PAXIP1: variants seen among roughly 807,000 people sequenced by gnomAD.
The protein encoded by PAXIP1 is PAX interacting protein 1, also known as PAX-interacting protein 1.
Under a neutral mutation model 140.6 loss-of-function variants are expected in PAXIP1, and 19 were observed. The ratio of observed to expected loss-of-function variants is 0.14; its 90% CI spans 0.09 to 0.20. PAXIP1 has a LOEUF of 0.20. Among genes scored for constraint, PAXIP1 ranks in the 10% least tolerant of loss-of-function variants. The pLI is 1.00. For synonymous variants in PAXIP1, 442 were observed against 444.6 expected (o/e 0.99, Z 0.07); for missense variants, 920 against 1,208.6 (o/e 0.76, Z 3.54).
chr7:154,995,574 T>TCG (rs2150786724), intron 2 of PAXIP1, among the ~76,000 whole-genome samples: 1 of 152,324 alleles, frequency 6.6e-6, no homozygotes, highest in East Asian at 1.9e-4. Flanking sequence ...AGCTGGCTGA[T>TCG]CGCGATGGCT....
intron 5 of PAXIP1, among the ~76,000 whole-genome samples, chr7:154,980,682 G>A (rs1212246755): frequency 6.6e-6 from 1 of 152,098 alleles, no homozygotes; most frequent in Non-Finnish European, 1.5e-5. Flanking sequence ...CAAAGTGCTG[G>A]GATTTACAGG....
In PAXIP1 at chr7:155,003,008, GC is replaced by G; in HGVS notation, c.-80del. 2.2e-6 allele frequency: 1 copy of G among 455,340 alleles called. No homozygotes were observed. The highest frequency in any genetic ancestry group is 2.7e-6 in the Non-Finnish European group (1 of 366,666). The allele number at this position is 455,340 out of a possible 1,614,324, so 28.2% of individuals were successfully genotyped here. Reference sequence around the variant, plus strand: ...GCCCCCGGCCCCCGCGGCGCCCGGCGCCCCCACTCGCCCCGCCAACGGCCCT... The same window carrying G: ...GCCCCCGGCCCCCGCGGCGCCCGGCGCCCCACTCGCCCCGCCAACGGCCCT... On this transcript the variant is annotated 5_prime_UTR_variant, in exon 1 of 21. Coordinates refer to ENST00000404141, the MANE Select transcript of PAXIP1 (RefSeq NM_007349.4).
At chr7:154,987,488 T>C (rs1230530836) in intron 4 of PAXIP1, among the ~76,000 whole-genome samples, 7 of 152,162 alleles carry the variant, frequency 4.6e-5, no homozygotes, top group Non-Finnish European at 2.9e-5. Flanking sequence ...TACCAATGCG[T>C]GCTATCCAAG....
intron 2 of PAXIP1, among the ~76,000 whole-genome samples, chr7:154,997,402 C>T (rs1810685728): frequency 6.6e-6 from 1 of 152,138 alleles, no homozygotes. Context: ...ACAGGTGAGT[C>T]CCACTGCACC....
chr7:154,988,339 C>T (rs967855077), intron 4 of PAXIP1, among the ~76,000 whole-genome samples: 16 of 152,210 alleles, frequency 1.1e-4, no homozygotes, highest in African/African-American at 3.4e-4. Context: ...GCAATCCAGA[C>T]CAATGCCATC....
At position 154,961,636 on chromosome 7, in the gene PAXIP1, T is replaced by A. The variant is rs1251275873; in HGVS notation, c.2140A>T (p.Thr714Ser). 4 of 1,596,646 alleles carry A rather than the reference T, an allele frequency of 2.5e-6. No individual in the cohort carries two copies. Among genetic ancestry groups the A allele is most frequent in the Non-Finnish European group, 3.4e-6 (4 of 1,171,628 alleles). Reference sequence around the variant, plus strand: ...TCTCTGTCACTATCAACAAATCCAGTCACAGAAATAATCTAAGAAAAAAAG... The same window carrying A: ...TCTCTGTCACTATCAACAAATCCAGACACAGAAATAATCTAAGAAAAAAAG... ...KPCSQHIISV[T>S]GFVDSDRDDL... Residue 714 changes from threonine to serine, a missense_variant, in exon 11 of 21, where the codon ACT becomes TCT. This residue lies in a region of PAXIP1 where 303 missense variants were observed against 517.9 expected (regional missense o/e 0.59). Transcript: ENST00000404141.
intron 13 of PAXIP1, 107 bp downstream of exon 13, chr7:154,959,783 A>T: frequency 1.3e-6 from 1 of 771,102 alleles, no homozygotes; most frequent in Non-Finnish European, 2.2e-6. Flanking sequence ...ATTCGTTATC[A>T]TGTTGACAAG....
intron 6 of PAXIP1, among the ~76,000 whole-genome samples, chr7:154,971,750 C>T (rs1001934370): frequency 5.9e-5 from 9 of 152,188 alleles, no homozygotes; most frequent in African/African-American, 4.8e-5. Flanking sequence ...GTATGATACA[C>T]ATCACATGGC....
chr7:154,957,491 G>A (rs1359042882), intron 13 of PAXIP1, among the ~76,000 whole-genome samples, 197 bp from the exon 14 acceptor site: 3 of 150,746 alleles, frequency 2.0e-5, no homozygotes, highest in East Asian at 1.9e-4. Flanking sequence ...CTAATATTCC[G>A]GAGAGAACCT....
chr7:154,955,828 C>T (rs1808482299), intron 14 of PAXIP1, among the ~76,000 whole-genome samples, 197 bp from the exon 15 acceptor site: 1 of 152,178 alleles, frequency 6.6e-6, no homozygotes. Flanking sequence ...CCAAAAAAGA[C>T]TACCTTTGAA....
At chr7:154,997,537 A>G (rs981162058) in intron 2 of PAXIP1, among the ~76,000 whole-genome samples, 1 of 152,254 alleles carries the variant, frequency 6.6e-6, no homozygotes, top group Admixed American at 6.5e-5. Flanking sequence ...GTGGTATAGA[A>G]CTATTTTAAA....
intron 3 of PAXIP1, among the ~76,000 whole-genome samples, chr7:154,991,499 A>G (rs572250060): frequency 1.4e-4 from 21 of 152,364 alleles, no homozygotes; most frequent in Middle Eastern, 3.4e-3. Context: ...ACTGCACAGT[A>G]GGAAGAATCC....
intron 6 of PAXIP1, among the ~76,000 whole-genome samples, chr7:154,971,034 C>T (rs1384918144): frequency 2.6e-5 from 4 of 152,204 alleles, no homozygotes; most frequent in Admixed American, 1.3e-4. Flanking sequence ...AGCTCAGGAA[C>T]AGGCACAGGA....
In PAXIP1 at chr7:155,002,853, G is replaced by A; in HGVS notation, c.77C>T (p.Pro26Leu). 2.1e-6 allele frequency: 3 copies of A among 1,396,260 alleles called. No homozygotes were observed. Among genetic ancestry groups the A allele is most frequent in the Non-Finnish European group, 1.9e-6 (2 of 1,055,756 alleles). The allele number at this position is 1,396,260 out of a possible 1,614,324, so 86.5% of individuals were successfully genotyped here. A position where few individuals can be genotyped will look rare whatever the true frequency, so the allele number is the denominator to read the frequency against. Residue 26 changes from proline to leucine, a missense_variant, in exon 1 of 21, where the codon CCG (proline) becomes CTG (leucine). Transcript: ENST00000404141. ...CGGCAGGGGCGGGCGCGGTACCTGC[G>A]GGTCGATGTCGCCCACCGCGTAATA... is the stretch of plus-strand genomic sequence containing the variant. ...VKYYAVGDID[P>L]QVIQLLKAGK...
At chr7:154,949,808 G>A (rs1015106655) in intron 16 of PAXIP1, 3 of 152,338 alleles carry the variant, frequency 2.0e-5, no homozygotes, top group Non-Finnish European at 4.4e-5. Flanking sequence ...TAGGGAGGCT[G>A]AGGCAGGAGA....
chr7:154,994,650 A>G (rs1022585261), intron 2 of PAXIP1, among the ~76,000 whole-genome samples: 4 of 152,246 alleles, frequency 2.6e-5, no homozygotes, highest in African/African-American at 9.6e-5. Flanking sequence ...CACCTTAAAT[A>G]AATTTCAGAC....
At chr7:154,979,522 A>T (rs1809743930) in intron 5 of PAXIP1, among the ~76,000 whole-genome samples, 1 of 152,124 alleles carries the variant, frequency 6.6e-6, no homozygotes, top group Non-Finnish European at 1.5e-5. Context: ...TATAAAATAC[A>T]ATAATTTAAA....
At chr7:154,945,985 G>A (rs1360864569) in intron 20 of PAXIP1, 4 of 984,788 alleles carry the variant, frequency 4.1e-6, no homozygotes, top group Non-Finnish European at 4.8e-6. Flanking sequence ...TGAGTACAAA[G>A]ACTATATACG....
chr7:154,961,679 C>A (rs964590208), intron 10 of PAXIP1, 31 bp from the exon 11 acceptor site: 8 of 1,531,662 alleles, frequency 5.2e-6, no homozygotes, highest in South Asian at 1.2e-5. Flanking sequence ...AAGGTAAACA[C>A]AAAATAAGCA....
Sources: allele counts gnomAD v4.1 joint callset (sites outside exome capture counted in the v4.1 genomes callset), GRCh38; gene constraint gnomAD v4.1.1; regional missense constraint gnomAD v4.1.1; transcripts MANE v1.5; gene names NCBI Gene and HGNC (gene_info 2026-07-23, HGNC 2026-07-21).